The following KCTD8 variants were observed in gnomAD, a reference collection of about 807,000 sequenced individuals.
The protein encoded by KCTD8 is potassium channel tetramerization domain containing 8.
A neutral mutation model predicts 31.5 loss-of-function variants in KCTD8; 27 were observed. The ratio of observed to expected loss-of-function variants is 0.86; its 90% CI spans 0.63 to 1.18. The LOEUF is 1.18. Ranked by LOEUF, KCTD8 falls within the 50% of genes most tolerant of loss-of-function variation. The pLI is 0.00. For missense variants in KCTD8, 658 were observed against 647.7 expected, an observed-to-expected ratio of 1.02 and a Z score of -0.17; for synonymous variants, 290 against 280.0, an observed-to-expected ratio of 1.04 and a Z score of -0.36.
At chr4:44,275,941 C>T (rs1419421451) in intron 1 of KCTD8, among the ~76,000 whole-genome samples, 1 of 151,928 alleles carries the variant, frequency 6.6e-6, no homozygotes, top group South Asian at 2.1e-4. Flanking sequence ...ATCAGTGTAG[C>T]AAATATTTAG....
intron 1 of KCTD8, among the ~76,000 whole-genome samples, chr4:44,305,325 G>C (rs1054549843): frequency 6.6e-6 from 1 of 151,366 alleles, no homozygotes; most frequent in Non-Finnish European, 1.5e-5. Flanking sequence ...TATTAAAGTT[G>C]GGTTGCTTCC....
At chr4:44,263,926 C>A (rs552890924) in intron 1 of KCTD8, among the ~76,000 whole-genome samples, 2 of 152,152 alleles carry the variant, frequency 1.3e-5, no homozygotes, top group African/African-American at 4.8e-5. Flanking sequence ...ATTTTCCTTG[C>A]CAGGAACTAC....
chr4:44,414,531 A>C (rs530097218), intron 1 of KCTD8, among the ~76,000 whole-genome samples: 1 of 152,224 alleles, frequency 6.6e-6, no homozygotes, highest in South Asian at 2.1e-4. Context: ...ATTTAACAAG[A>C]TGCACCCTGA....
At chr4:44,320,747 A>T (rs1435024273) in intron 1 of KCTD8, among the ~76,000 whole-genome samples, 1 of 152,002 alleles carries the variant, frequency 6.6e-6, no homozygotes, top group African/African-American at 2.4e-5. Context: ...AACATATAAT[A>T]AATCCCTGTG....
chr4:44,267,355 A>G (rs1007166813), intron 1 of KCTD8, among the ~76,000 whole-genome samples: 9 of 152,208 alleles, frequency 5.9e-5, no homozygotes, highest in African/African-American at 1.9e-4. Flanking sequence ...ATGAGAACAA[A>G]GACACAACAT....
chr4:44,288,347 T>C (rs2109383321), intron 1 of KCTD8, among the ~76,000 whole-genome samples: 1 of 152,242 alleles, frequency 6.6e-6, no homozygotes, highest in South Asian at 2.1e-4. Flanking sequence ...ACATAAAAAC[T>C]TTCTTTAAAA....
At chr4:44,393,504 C>A (rs1720421858) in intron 1 of KCTD8, among the ~76,000 whole-genome samples, 2 of 150,066 alleles carry the variant, frequency 1.3e-5, no homozygotes, top group African/African-American at 2.4e-5. Flanking sequence ...AACAGAACAA[C>A]TATGAAAGTT....
At chr4:44,247,424 C>T (rs543337683) in intron 1 of KCTD8, among the ~76,000 whole-genome samples, 43 of 151,792 alleles carry the variant, frequency 2.8e-4, no homozygotes, top group East Asian at 5.8e-4. Flanking sequence ...AACCTCTTTA[C>T]GGGCTATTAC....
intron 1 of KCTD8, among the ~76,000 whole-genome samples, chr4:44,231,779 TG>T (rs1405676936): frequency 6.6e-6 from 1 of 151,900 alleles, no homozygotes; most frequent in Non-Finnish European, 1.5e-5. Context: ...AAAATCTCAC[TG>T]TGTCTCTCTC....
At chr4:44,361,656 G>A (rs1394050804) in intron 1 of KCTD8, among the ~76,000 whole-genome samples, 1 of 151,972 alleles carries the variant, frequency 6.6e-6, no homozygotes, top group Non-Finnish European at 1.5e-5. Flanking sequence ...GCTACTGTAG[G>A]AAAAACACAA....
intron 1 of KCTD8, among the ~76,000 whole-genome samples, chr4:44,429,054 G>A (rs55829698): frequency 0.13 from 19,892 of 151,532 alleles, 2,621 homozygotes; most frequent in African/African-American, 0.33. Flanking sequence ...ATGGTGAGAA[G>A]GGAGACAGAG....
intron 1 of KCTD8, among the ~76,000 whole-genome samples, chr4:44,216,183 AGAAT>A (rs1714646809): frequency 6.6e-6 from 1 of 152,198 alleles, no homozygotes; most frequent in African/African-American, 2.4e-5. Context: ...TAAACATCTT[AGAAT>A]TTCAAAATTT....
At chr4:44,233,981 A>G (rs181649710) in intron 1 of KCTD8, among the ~76,000 whole-genome samples, 5 of 152,302 alleles carry the variant, frequency 3.3e-5, no homozygotes, top group Admixed American at 6.5e-5. Flanking sequence ...TCTCTTCTGT[A>G]AAAGGAGGTT....
intron 1 of KCTD8, among the ~76,000 whole-genome samples, chr4:44,176,401 C>A (rs1266762989): frequency 2.0e-5 from 3 of 152,230 alleles, no homozygotes; most frequent in Admixed American, 2.0e-4. Context: ...TAATGGGGTG[C>A]CACCTGGCCA....
intron 1 of KCTD8, among the ~76,000 whole-genome samples, chr4:44,321,267 C>A (rs1480829101): frequency 6.6e-6 from 1 of 152,158 alleles, no homozygotes; most frequent in Non-Finnish European, 1.5e-5. Context: ...CTATTGTCCA[C>A]CAAGGACCTT....
At chr4:44,187,849 C>T (rs201358013) in intron 1 of KCTD8, among the ~76,000 whole-genome samples, 1 of 152,028 alleles carries the variant, frequency 6.6e-6, no homozygotes, top group African/African-American at 2.4e-5. Flanking sequence ...CATAAAACCA[C>T]GCTGGTTGTA....
At chr4:44,438,358 G>C (rs965181179) in intron 1 of KCTD8, among the ~76,000 whole-genome samples, 1 of 152,144 alleles carries the variant, frequency 6.6e-6, no homozygotes, top group African/African-American at 2.4e-5. Context: ...AGCCCATCTG[G>C]CTCTGTGACA....
At chr4:44,233,456 G>A (rs1715181057) in intron 1 of KCTD8, among the ~76,000 whole-genome samples, 1 of 152,112 alleles carries the variant, frequency 6.6e-6, no homozygotes, top group Non-Finnish European at 1.5e-5. Flanking sequence ...GTTCCATGGG[G>A]TTTGTTTACC....
intron 1 of KCTD8, among the ~76,000 whole-genome samples, chr4:44,232,527 T>C (rs77566813): frequency 0.01 from 1,546 of 152,278 alleles, 31 homozygotes; most frequent in African/African-American, 0.035. Context: ...TCAAGGTAGC[T>C]GCATAGCCTA....
Sources: gnomAD v4.1 joint callset for allele counts (sites outside exome capture counted in the v4.1 genomes callset) on GRCh38, gnomAD v4.1.1 for gene constraint, MANE v1.5 for transcripts, NCBI Gene and HGNC (gene_info 2026-07-23, HGNC 2026-07-21) for gene names.